LRRC43: variants seen among roughly 807,000 people sequenced by gnomAD.
The protein encoded by LRRC43 is leucine rich repeat containing 43.
Under a neutral mutation model 64.3 loss-of-function variants are expected in LRRC43, and 62 were observed. The observed-to-expected ratio is 0.96, with a 90% CI of 0.79 to 1.19. LRRC43 has a LOEUF of 1.19. Among genes scored for constraint, LRRC43 ranks in the 50% most tolerant of loss-of-function variants. The pLI is 0.00. For synonymous variants in LRRC43, 422 were observed against 382.3 expected, an observed-to-expected ratio of 1.10 and a Z score of -1.21; for missense variants, 868 against 845.0, an observed-to-expected ratio of 1.03 and a Z score of -0.34.
chr12:122,180,790 G>C (rs1297033735), upstream of LRRC43, among the ~76,000 whole-genome samples: 2 of 152,296 alleles, frequency 1.3e-5, no homozygotes, highest in Admixed American at 6.5e-5. Context: ...CAGGATGCTT[G>C]ATTTCCCCTC....
At chr12:122,182,341 TG>T (rs1400101260), upstream of LRRC43, among the ~76,000 whole-genome samples, 3 of 151,800 alleles carry the variant, frequency 2.0e-5, no homozygotes, top group African/African-American at 7.3e-5. Context: ...CTGGCCAACA[TG>T]GTGAAACCCC....
chr12:122,181,281 T>C (rs914597692), upstream of LRRC43, among the ~76,000 whole-genome samples: 14 of 151,234 alleles, frequency 9.3e-5, no homozygotes, highest in Middle Eastern at 3.2e-3. Flanking sequence ...CGGTGGCTCA[T>C]GCATGTAATC....
rs760336260 is a variant in LRRC43, at chr12:122,184,675, G to T, written c.307G>T (p.Ala103Ser). The T allele has an allele frequency of 1.2e-6, 2 of 1,614,020 alleles. No homozygotes were observed. Among genetic ancestry groups the T allele is most frequent in the Non-Finnish European group, 1.7e-6 (2 of 1,179,886 alleles). ...SPWALLNNSN[A>S]EDSFLRELAI... The stretch of plus-strand genomic sequence containing the variant: ...CTGGGCTCTGCTGAACAACTCGAAT[G>T]CAGAAGACAGTTTCCTGAGAGAATT... Residue 103 changes from alanine to serine, a missense_variant, in exon 2 of 12, where the codon GCA (alanine) becomes TCA (serine). Physicochemically the swap from Ala to Ser is moderately conservative, Grantham distance 99. Transcript: ENST00000339777. The surrounding 1 kb of genome is among the most constrained non-coding windows in gnomAD (Gnocchi z 4.0).
At chr12:122,187,913 G>A in intron 4 of LRRC43, 73 bp downstream of exon 4, 7 of 1,501,494 alleles carry the variant, frequency 4.7e-6, no homozygotes, top group Non-Finnish European at 6.4e-6. Context: ...TACCCCAGTG[G>A]CTTGAGAACT....
chr12:122,174,173 G>A, intron 1 of LRRC43: 8 of 1,614,162 alleles, frequency 5.0e-6, no homozygotes, highest in Non-Finnish European at 5.9e-6. Context: ...GAGAGGCCAT[G>A]GCGAGAGAGA....
chr12:122,192,763 A>T lies in LRRC43; in HGVS notation c.1108A>T (p.Ser370Cys). The change falls in exon 7 of 12, where the codon AGC (serine) becomes TGC (cysteine). Residue 370 changes from serine (S) to cysteine (C), a missense_variant. Ser to Cys is a moderately radical substitution (Grantham distance 112, BLOSUM62 -1). Coordinates refer to ENST00000339777, the MANE Select transcript of LRRC43 (RefSeq NM_001098519.2). ...VLAEIVKPSP[S>C]LELLVEESPE... is the part of the protein sequence containing the mutation. ...CCTGCAGATCGTCAAGCCCTCTCCC[A>T]GCTTAGAATTATTAGTTGAGGAATC... 3.7e-6 allele frequency: 6 copies of T among 1,613,746 alleles called. No individual in the cohort carries two copies. Among genetic ancestry groups the T allele is most frequent in the Non-Finnish European group, 5.1e-6 (6 of 1,179,688 alleles).
intron 7 of LRRC43, among the ~76,000 whole-genome samples, chr12:122,195,608 C>T (rs1019601762): frequency 6.6e-6 from 1 of 152,160 alleles, no homozygotes; most frequent in Admixed American, 6.5e-5. Context: ...GAAAACTCAG[C>T]TGTTCATCTT....
chr12:122,190,660 TG>T, intron 5 of LRRC43, among the ~76,000 whole-genome samples: 1 of 152,106 alleles, frequency 6.6e-6, no homozygotes, highest in Non-Finnish European at 1.5e-5. Flanking sequence ...GTCAGGAGTT[TG>T]AGACCAGCCT....
In LRRC43 at chr12:122,190,474, C is replaced by G. The variant is rs565799221; in HGVS notation, c.901+106C>G. On this transcript the variant is annotated intron_variant, in intron 5 of 11. Transcript: ENST00000339777. ...GTGTACCCGTCTGTCCTGCAACTCCCCATTTGACCCAGACCCTATTCAGGT... is the reference window on the plus strand; with the variant it reads ...GTGTACCCGTCTGTCCTGCAACTCCGCATTTGACCCAGACCCTATTCAGGT... 4.2e-4 allele frequency: 344 copies of G among 824,656 alleles called. 1 individual carries two copies. In the African/African-American group the frequency reaches 4.9e-3, roughly 12 times the overall value. The allele number at this position is 824,656 out of a possible 1,614,324, so 51.1% of individuals were successfully genotyped here.
chr12:122,189,968 G>A (rs183757640), intron 4 of LRRC43, 162 bp from the exon 5 acceptor site: 34 of 692,020 alleles, frequency 4.9e-5, no homozygotes, highest in Admixed American at 2.5e-4. Flanking sequence ...CCAGGCACTC[G>A]TTCCCGACCC....
upstream of LRRC43, among the ~76,000 whole-genome samples, chr12:122,182,033 G>A (rs941919190): frequency 6.6e-6 from 1 of 152,126 alleles, no homozygotes; most frequent in Non-Finnish European, 1.5e-5. Flanking sequence ...TAAAACGTGG[G>A]GCCCTTTGGG....
At chr12:122,183,925 G>A (rs766383132) in intron 1 of LRRC43, among the ~76,000 whole-genome samples, 3 of 151,836 alleles carry the variant, frequency 2.0e-5, no homozygotes, top group Non-Finnish European at 4.4e-5. Context: ...ATTTTTAGTA[G>A]AGACAGGATT....
intron 1 of LRRC43, among the ~76,000 whole-genome samples, chr12:122,175,666 T>C (rs1332857720): frequency 1.4e-5 from 2 of 147,228 alleles, no homozygotes; most frequent in East Asian, 2.0e-4. Context: ...ACTATGCTAA[T>C]TTTTTTTTTT....
At chr12:122,193,826 C>T (rs1261948886) in intron 7 of LRRC43, among the ~76,000 whole-genome samples, 1 of 152,208 alleles carries the variant, frequency 6.6e-6, no homozygotes, top group African/African-American at 2.4e-5. Context: ...TCCCAAAGTG[C>T]TGGGATTACA....
chr12:122,186,078 G>T, intron 2 of LRRC43, 112 bp from the exon 3 acceptor site: 1 of 666,456 alleles, frequency 1.5e-6, no homozygotes. Context: ...GGGTGGGAAG[G>T]GAGGGGAAGT....
In LRRC43 at chr12:122,187,821, T is replaced by C. The variant is rs747954740; in HGVS notation, c.643T>C (p.Tyr215His). Residue 215 changes from tyrosine to histidine, a missense_variant, in exon 4 of 12, where the codon TAC becomes CAC. Transcript: ENST00000339777. Reference protein sequence around the residue: ...NKLLGPLESLYVTANHWPNLV... With the variant: ...NKLLGPLESLHVTANHWPNLV... ...ACTTCTAGGCCCCTTGGAAAGTCTCTACGTCACCGCTAATCACTGGTAACT... is the reference window on the plus strand; with the variant it reads ...ACTTCTAGGCCCCTTGGAAAGTCTCCACGTCACCGCTAATCACTGGTAACT... 6.2e-6 allele frequency: 10 copies of C among 1,613,976 alleles called. No individual in the cohort carries two copies. The African/African-American group carries it at 1.3e-4, about 22-fold the overall frequency.
At chr12:122,174,837 C>A (rs1262407582) in intron 1 of LRRC43, among the ~76,000 whole-genome samples, 1 of 145,992 alleles carries the variant, frequency 6.8e-6, no homozygotes, top group Non-Finnish European at 1.5e-5. Context: ...TTGTTCATAT[C>A]TTTTTTCTTT....
At position 122,183,251 on chromosome 12, in the gene LRRC43, G is replaced by A; in HGVS notation, c.107G>A (p.Arg36Gln). 6.4e-7 allele frequency: 1 copy of A among 1,568,922 alleles called. No individual in the cohort carries two copies. Among genetic ancestry groups the A allele is most frequent in the Non-Finnish European group, 8.6e-7 (1 of 1,167,192 alleles). Reference protein sequence around the residue: ...TVSAAVREHLRKLCLREFPCG... With the variant: ...TVSAAVREHLQKLCLREFPCG... ...AGCGCGGCCGTGCGCGAGCACTTGC[G>A]GAAGCTGTGTCTGCGCGAGTTCCCG... The change falls in exon 1 of 12, where the codon CGG becomes CAG. Residue 36 changes from arginine (R) to glutamine (Q), a missense_variant. Transcript: ENST00000339777.
chr12:122,200,698 C>T lies in LRRC43; in HGVS notation c.1620+38C>T. The T allele has an allele frequency of 1.2e-6, 2 of 1,613,262 alleles. No individual in the cohort carries two copies. The highest frequency in any genetic ancestry group is 8.5e-7 in the Non-Finnish European group (1 of 1,179,848). On this transcript the variant is annotated intron_variant, in intron 9 of 11. Transcript: ENST00000339777. The surrounding 1 kb of genome is among the most constrained non-coding windows in gnomAD (Gnocchi z 4.6). ...GGTGCTGGGGAGGGCAGCCTGGCCACACCCTTGCTTCAACTTGTCCCACCC... is the reference window on the plus strand; with the variant it reads ...GGTGCTGGGGAGGGCAGCCTGGCCATACCCTTGCTTCAACTTGTCCCACCC...
Sources: allele counts gnomAD v4.1 joint callset (sites outside exome capture counted in the v4.1 genomes callset), GRCh38; gene constraint gnomAD v4.1.1; non-coding constraint Gnocchi (gnomAD v3.1); transcripts MANE v1.5; gene names NCBI Gene and HGNC (gene_info 2026-07-23, HGNC 2026-07-21).